DNAH11: variants seen among roughly 807,000 people sequenced by gnomAD.
DNAH11 encodes dynein axonemal heavy chain 11, also known as axonemal beta dynein heavy chain 11.
DNAH11 carries 442 observed loss-of-function variants against 526.0 expected under a neutral mutation model. The observed-to-expected ratio is 0.84, with a 90% CI of 0.78 to 0.91. The LOEUF is 0.91. Ranked by LOEUF, DNAH11 falls within the 40% of genes least tolerant of loss-of-function variation. DNAH11 has a pLI of 0.00. For missense variants in DNAH11, 6,989 were observed against 5,448.7 expected (o/e 1.28, Z -8.90); for synonymous variants, 2,461 against 1,935.9 (o/e 1.27, Z -7.12).
chr7:21,693,857 G>A (rs2965400), intron 35 of DNAH11, among the ~76,000 whole-genome samples: 49,999 of 152,004 alleles, frequency 0.33, 11,674 homozygotes, highest in East Asian at 0.67. Flanking sequence ...GGCTGTACAG[G>A]AAGCATGGCT....
chr7:21,772,205 C>T lies in DNAH11; in HGVS notation c.9103-1561C>T, dbSNP rs530645849. ...CCCATTGAGACAAGTTGTCTCAGGC[C>T]ACTTTCAGCTCTACCGGAAACCACT... On this transcript the variant is annotated intron_variant, in intron 55 of 81. Transcript: ENST00000409508. Among the ~76,000 whole-genome samples the T allele has an allele frequency of 4.6e-5, 7 of 152,302 alleles. 1 individual carries two copies. The South Asian group carries it at 1.5e-3, about 32-fold the overall frequency.
At chr7:21,653,676 G>A (rs1289029252) in intron 28 of DNAH11, among the ~76,000 whole-genome samples, 1 of 152,178 alleles carries the variant, frequency 6.6e-6, no homozygotes, top group South Asian at 2.1e-4. Context: ...TCTGGGTAAT[G>A]TACAGGGATG....
At position 21,642,221 on chromosome 7, in the gene DNAH11, C is replaced by T. The variant is rs370705009; in HGVS notation, c.4944+3156C>T. On this transcript the variant is annotated intron_variant, in intron 28 of 81. Coordinates refer to ENST00000409508, the MANE Select transcript of DNAH11 (RefSeq NM_001277115.2). Reference sequence around the variant, plus strand: ...ATAAATTTTGAACAATTAACACTTACATAAAATGCTATCACACTGTTACTA... The same window carrying T: ...ATAAATTTTGAACAATTAACACTTATATAAAATGCTATCACACTGTTACTA... Among the ~76,000 whole-genome samples the T allele has an allele frequency of 8.9e-4, 135 of 152,032 alleles. 1 individual carries two copies. Among genetic ancestry groups the T allele is most frequent in the African/African-American group, 3.1e-3 (127 of 41,378 alleles).
chr7:21,900,419 T>C (rs1784734889), intron 81 of DNAH11, among the ~76,000 whole-genome samples: 2 of 152,208 alleles, frequency 1.3e-5, no homozygotes, highest in Non-Finnish European at 2.9e-5. Context: ...CTTTTCAATA[T>C]AATCATTTCA....
At chr7:21,803,395 G>A (rs1397648025) in intron 62 of DNAH11, among the ~76,000 whole-genome samples, 4 of 152,162 alleles carry the variant, frequency 2.6e-5, no homozygotes, top group Non-Finnish European at 2.9e-5. Flanking sequence ...TCACCCTCAT[G>A]CATTTTGCCT....
chr7:21,808,106 A>G (rs1190574045), intron 63 of DNAH11, 57 bp downstream of exon 63: 6 of 1,313,274 alleles, frequency 4.6e-6, no homozygotes, highest in Non-Finnish European at 4.9e-6. Context: ...AAATTTCAGT[A>G]GTAAAACCCA....
chr7:21,577,685 C>T (rs1583496823), intron 8 of DNAH11, among the ~76,000 whole-genome samples: 1 of 152,286 alleles, frequency 6.6e-6, no homozygotes, highest in East Asian at 1.9e-4. Context: ...ACCTGGACTT[C>T]TGTCTCTATT....
chr7:21,759,067 T>C (rs1247153744), intron 54 of DNAH11, among the ~76,000 whole-genome samples: 2 of 152,206 alleles, frequency 1.3e-5, no homozygotes, highest in East Asian at 1.9e-4. Flanking sequence ...GGCTAGAGAC[T>C]GGCTTGGAAC....
intron 62 of DNAH11, 29 bp downstream of exon 62, chr7:21,801,304 C>G: frequency 6.2e-7 from 1 of 1,612,230 alleles, no homozygotes; most frequent in Non-Finnish European, 8.5e-7. Flanking sequence ...AACATTCTAA[C>G]TAAAATGTTC....
In DNAH11 at chr7:21,808,181, G is replaced by C. The variant is rs370091508; in HGVS notation, c.10332+132G>C. 45 of 602,332 alleles carry C rather than the reference G, an allele frequency of 7.5e-5. No homozygotes were observed. The African/African-American group carries it at 8.5e-4, about 11-fold the overall frequency. The allele number at this position is 602,332 out of a possible 1,614,324, so 37.3% of individuals were successfully genotyped here. A position where few individuals can be genotyped will look rare whatever the true frequency, so the allele number is the denominator to read the frequency against. The stretch of plus-strand genomic sequence containing the variant: ...TGACCAGAAATTCCATGGTGAAATT[G>C]TTTCTCATGTGCTGCAGTTTTTCTT... On this transcript the variant is annotated intron_variant, in intron 63 of 81. Transcript: ENST00000409508.
rs566052807 is a variant in DNAH11, at chr7:21,549,418, T to C, written c.495+4269T>C. On this transcript the variant is annotated intron_variant, in intron 2 of 81. Coordinates refer to ENST00000409508, the MANE Select transcript of DNAH11 (RefSeq NM_001277115.2). ...TGCTTTAAATCCTTTACCTTAATTA[T>C]TTTTACCCTTTTACGGTCATTATTT... is the stretch of plus-strand genomic sequence containing the variant. Among the ~76,000 whole-genome samples, 3 of 152,320 alleles carry C rather than the reference T, an allele frequency of 2.0e-5. No individual in the cohort carries two copies. The East Asian group carries it at 5.8e-4, about 29-fold the overall frequency.
At chr7:21,871,940 G>C (rs1203898071) in intron 73 of DNAH11, among the ~76,000 whole-genome samples, 1 of 151,606 alleles carries the variant, frequency 6.6e-6, no homozygotes, top group Non-Finnish European at 1.5e-5. Context: ...GGCTAACACA[G>C]TGAAACCCCG....
intron 55 of DNAH11, among the ~76,000 whole-genome samples, chr7:21,766,670 G>A (rs1787198946): frequency 6.6e-6 from 1 of 151,134 alleles, no homozygotes; most frequent in Non-Finnish European, 1.5e-5. Context: ...TTTGTATGCA[G>A]CTAGCTTTAT....
intron 7 of DNAH11, 53 bp from the exon 8 acceptor site, chr7:21,571,753 A>C: frequency 7.3e-7 from 1 of 1,361,392 alleles, no homozygotes; most frequent in South Asian, 1.9e-5. Context: ...GAAACTTTAA[A>C]ATATTTTGCT....
chr7:21,547,106 G>A (rs1245894604), intron 2 of DNAH11, among the ~76,000 whole-genome samples: 1 of 152,100 alleles, frequency 6.6e-6, no homozygotes, highest in Non-Finnish European at 1.5e-5. Context: ...CAAATTAATT[G>A]ACTTACTTTG....
intron 18 of DNAH11, among the ~76,000 whole-genome samples, chr7:21,604,322 C>T (rs963640900): frequency 6.6e-6 from 1 of 152,096 alleles, no homozygotes; most frequent in Non-Finnish European, 1.5e-5. Flanking sequence ...GCTCTTGTTA[C>T]TTCTCACCTC....
rs368269718 is a variant in DNAH11, at chr7:21,901,197, C to A, written c.13494C>A (p.Ser4498Arg). Reference sequence around the variant, plus strand: ...ACATCTGGACCTTCAGGCTGAAGAGCGAAGAGAAGACTGCAAAATGGGTTC... The same window carrying A: ...ACATCTGGACCTTCAGGCTGAAGAGAGAAGAGAAGACTGCAAAATGGGTTC... Reference protein sequence around the residue: ...PSYIWTFRLKSEEKTAKWVLA... With the variant: ...PSYIWTFRLKREEKTAKWVLA... Residue 4498 changes from serine to arginine, a missense_variant, in exon 82 of 82, where the codon AGC becomes AGA. Ser to Arg is a moderately radical substitution (Grantham distance 110, BLOSUM62 -1). Coordinates refer to ENST00000409508, the MANE Select transcript of DNAH11 (RefSeq NM_001277115.2). 6.2e-7 allele frequency: 1 copy of A among 1,613,450 alleles called. No individual in the cohort carries two copies. The highest frequency in any genetic ancestry group is 8.5e-7 in the Non-Finnish European group (1 of 1,179,728).
intron 66 of DNAH11, among the ~76,000 whole-genome samples, chr7:21,846,197 C>T (rs1782410639): frequency 6.6e-6 from 1 of 152,090 alleles, no homozygotes; most frequent in African/African-American, 2.4e-5. Context: ...TTTTGTTCTT[C>T]CTTCCCATTC....
intron 74 of DNAH11, among the ~76,000 whole-genome samples, chr7:21,873,784 C>CTTGTTTTTTT: frequency 2.8e-5 from 2 of 70,698 alleles, no homozygotes; most frequent in Non-Finnish European, 2.3e-5. Flanking sequence ...GAGGAGGTTG[C>CTTGTTTTTTT]TTTTTTTTTT....
Sources: gnomAD v4.1 joint callset for allele counts (sites outside exome capture counted in the v4.1 genomes callset) on GRCh38, gnomAD v4.1.1 for gene constraint, MANE v1.5 for transcripts, NCBI Gene and HGNC (gene_info 2026-07-23, HGNC 2026-07-21) for gene names.